Variants in WRAP73 observed in about 807,000 individuals in gnomAD.
WRAP73 encodes WD repeat containing, antisense to TP73, also known as WD repeat-containing protein WRAP73.
A neutral mutation model predicts 59.6 loss-of-function variants in WRAP73; 55 were observed. The ratio of observed to expected loss-of-function variants is 0.92; its 90% CI spans 0.74 to 1.15. WRAP73 has a LOEUF of 1.15. Ranked by LOEUF, WRAP73 falls within the 50% of genes most tolerant of loss-of-function variation. The pLI, the probability that WRAP73 is intolerant of heterozygous loss-of-function variation, is 0.00. For missense variants in WRAP73, 592 were observed against 608.1 expected, an observed-to-expected ratio of 0.97 and a Z score of 0.28; for synonymous variants, 265 against 258.2, an observed-to-expected ratio of 1.03 and a Z score of -0.25.
intron 3 of WRAP73, among the ~76,000 whole-genome samples, chr1:3,640,510 G>A (rs113943602): frequency 5.5e-3 from 129 of 23,410 alleles, no homozygotes; most frequent in African/African-American, 0.018. Flanking sequence ...CATCAGCAGG[G>A]CGGGGTGCAG....
At chr1:3,632,026 C>G in intron 10 of WRAP73, 187 bp downstream of exon 10, 1 of 1,477,270 alleles carries the variant, frequency 6.8e-7, no homozygotes, top group Non-Finnish European at 8.9e-7. Context: ...CGCGGACCTG[C>G]GGCTGCTGCA....
chr1:3,630,957 C>A lies in WRAP73; in HGVS notation c.*18G>T. On this transcript the variant is annotated 3_prime_UTR_variant, in exon 12 of 12. Coordinates refer to ENST00000270708, the MANE Select transcript of WRAP73 (RefSeq NM_017818.4). ...AACACAGAGTAGCCCTGTTTCTGCA[C>A]ACGTTAGTGCACCGCTGCTACGTGT... is the stretch of plus-strand genomic sequence containing the variant. 1 of 1,607,610 alleles carries A rather than the reference C, an allele frequency of 6.2e-7. No individual in the cohort carries two copies. The highest frequency in any genetic ancestry group is 1.1e-5 in the South Asian group (1 of 90,712).
intron 3 of WRAP73, among the ~76,000 whole-genome samples, chr1:3,642,716 G>A (rs1263912582): frequency 2.1e-5 from 3 of 145,226 alleles, no homozygotes; most frequent in Non-Finnish European, 4.5e-5. Flanking sequence ...CAGCCTGGGG[G>A]ACAAGAGCGA....
Position 3,647,430 on chromosome 1 carries a change from A to G in WRAP73, c.200T>C (p.Met67Thr), listed in dbSNP as rs781047312. The change falls in exon 2 of 12, where the codon ATG (methionine) becomes ACG (threonine). Residue 67 changes from methionine (M) to threonine (T), a missense_variant. Physicochemically the swap from Met to Thr is moderately conservative, Grantham distance 81. Coordinates refer to ENST00000270708, the MANE Select transcript of WRAP73 (RefSeq NM_017818.4). Reference sequence around the variant, plus strand: ...CACCTGCACCAGCCCTCGCTTGTACATGGCGCACAGGATGAAGAGCGAGTC... The same window carrying G: ...CACCTGCACCAGCCCTCGCTTGTACGTGGCGCACAGGATGAAGAGCGAGTC... ...SADSLFILCA[M>T]YKRGLVQVWS... 3 of 1,613,618 alleles carry G rather than the reference A, an allele frequency of 1.9e-6. No homozygotes were observed. The highest frequency in any genetic ancestry group is 2.2e-5 in the East Asian group (1 of 44,894).
chr1:3,631,344 C>T lies in WRAP73; in HGVS notation c.1240+122G>A. The T allele has an allele frequency of 2.2e-6, 3 of 1,381,492 alleles. No homozygotes were observed. The South Asian group carries it at 4.1e-5, about 19-fold the overall frequency. The allele number at this position is 1,381,492 out of a possible 1,614,324, so 85.6% of individuals were successfully genotyped here. The stretch of plus-strand genomic sequence containing the variant: ...CCGTCTTGAGGTTTACGCAAAGACT[C>T]TGAGGGCAGTTTCCCTGGAGTGCTG... On this transcript the variant is annotated intron_variant, in intron 11 of 11. Coordinates refer to ENST00000270708, the MANE Select transcript of WRAP73 (RefSeq NM_017818.4).
intron 6 of WRAP73, chr1:3,635,679 G>T: frequency 4.0e-6 from 2 of 497,332 alleles, no homozygotes; most frequent in South Asian, 2.3e-5. Flanking sequence ...AAATTAGCCG[G>T]GCGTGGTGGT....
In WRAP73 at chr1:3,646,221, G is replaced by A. The variant is rs921590217; in HGVS notation, c.339+445C>T. ...CTGACTCAGTAGCAGCCCAAAGCACGGGCGGTGGGGCTCGCAATCTGGATA... is the reference window on the plus strand; with the variant it reads ...CTGACTCAGTAGCAGCCCAAAGCACAGGCGGTGGGGCTCGCAATCTGGATA... On this transcript the variant is annotated intron_variant, in intron 3 of 11. Coordinates refer to ENST00000270708, the MANE Select transcript of WRAP73 (RefSeq NM_017818.4). This position sits in a 1 kb window ranked among gnomAD's most constrained non-coding sequence, Gnocchi z 5.1. Among the ~76,000 whole-genome samples the A allele has an allele frequency of 1.2e-4, 19 of 152,296 alleles. No homozygotes were observed. Among genetic ancestry groups the A allele is most frequent in the African/African-American group, 4.3e-4 (18 of 41,572 alleles).
At chr1:3,635,423 G>A in intron 6 of WRAP73, 129 bp from the exon 7 acceptor site, 1 of 1,261,858 alleles carries the variant, frequency 7.9e-7, no homozygotes, top group Non-Finnish European at 1.1e-6. Context: ...GCGTGGCCGT[G>A]GAAAAGCTGG....
At position 3,633,017 on chromosome 1, in the gene WRAP73, C is replaced by G. The variant is rs74048691; in HGVS notation, c.922+381G>C. 619 of 266,016 alleles carry G rather than the reference C, an allele frequency of 2.3e-3. 6 individuals carry two copies. Among genetic ancestry groups the G allele is most frequent in the African/African-American group, 0.014 (586 of 43,148 alleles). The allele number at this position is 266,016 out of a possible 1,614,324, so 16.5% of individuals were successfully genotyped here. ...AATGCCCAGAGTCAAGAGGCTGCAT[C>G]AGAACCGGGCCTCAAGCCGGAGACA... is the stretch of plus-strand genomic sequence containing the variant. On this transcript the variant is annotated intron_variant, in intron 9 of 11. Coordinates refer to ENST00000270708, the MANE Select transcript of WRAP73 (RefSeq NM_017818.4).
intron 4 of WRAP73, among the ~76,000 whole-genome samples, chr1:3,637,628 G>A (rs1009887279): frequency 6.6e-6 from 1 of 152,202 alleles, no homozygotes; most frequent in Non-Finnish European, 1.5e-5. Flanking sequence ...AATCGCTTGA[G>A]CCTAGGAATT....
In WRAP73 at chr1:3,650,095, C is replaced by A. The variant is rs1193901950; in HGVS notation, c.-96G>T. On this transcript the variant is annotated 5_prime_UTR_variant, in exon 1 of 12. Transcript: ENST00000270708. Reference sequence around the variant, plus strand: ...CAACAGCCGACGCCGGCCTCCGAGGCCGGAAGTCAGAAGGCGGAAGTGAAC... The same window carrying A: ...CAACAGCCGACGCCGGCCTCCGAGGACGGAAGTCAGAAGGCGGAAGTGAAC... The A allele has an allele frequency of 1.8e-5, 24 of 1,316,964 alleles. No homozygotes were observed. Among genetic ancestry groups the A allele is most frequent in the Non-Finnish European group, 2.0e-5 (20 of 977,704 alleles). 81.6% of individuals were successfully genotyped at this position (1,316,964 alleles called of 1,614,324 possible).
intron 10 of WRAP73, 185 bp downstream of exon 10, chr1:3,632,028 G>A: frequency 6.8e-7 from 1 of 1,481,454 alleles, no homozygotes; most frequent in Non-Finnish European, 8.9e-7. Context: ...CGGACCTGCG[G>A]CTGCTGCAGG....
intron 3 of WRAP73, among the ~76,000 whole-genome samples, chr1:3,645,029 T>C (rs1359710707): frequency 2.6e-5 from 4 of 152,214 alleles, no homozygotes; most frequent in Non-Finnish European, 5.9e-5. Flanking sequence ...TGTCAATACA[T>C]AGTGCGGAGA....
rs944722613 is a variant in WRAP73 at position 3,639,142 on chromosome 1, T to C, written c.340-320A>G. The C allele has an allele frequency of 3.5e-6, 1 of 289,650 alleles. No homozygotes were observed. The highest frequency in any genetic ancestry group is 2.2e-5 in the African/African-American group (1 of 44,478). 17.9% of individuals were successfully genotyped at this position (289,650 alleles called of 1,614,324 possible). A position where few individuals can be genotyped will look rare whatever the true frequency, so the allele number is the denominator to read the frequency against. ...GCATGTTATAATAACCCTGAGTTAC[T>C]CAGAGAAAAATCTTGATCTAGAAAC... On this transcript the variant is annotated intron_variant, in intron 3 of 11. Transcript: ENST00000270708. This position sits in a 1 kb window ranked among gnomAD's most constrained non-coding sequence, Gnocchi z 4.3.
At chr1:3,641,769 C>T (rs59201848) in intron 3 of WRAP73, among the ~76,000 whole-genome samples, 6,533 of 152,276 alleles carry the variant, frequency 0.043, 457 homozygotes, top group African/African-American at 0.15. Flanking sequence ...AAGAAAAAGT[C>T]TGCAGTCTGG....
At position 3,632,525 on chromosome 1, in the gene WRAP73, A is replaced by G. The variant is rs1570291612; in HGVS notation, c.923-187T>C. 3 of 870,668 alleles carry G rather than the reference A, an allele frequency of 3.4e-6. No individual in the cohort carries two copies. In the East Asian group the frequency reaches 8.4e-5, roughly 24 times the overall value. 53.9% of individuals were successfully genotyped at this position (870,668 alleles called of 1,614,324 possible). A position where few individuals can be genotyped will look rare whatever the true frequency, so the allele number is the denominator to read the frequency against. Reference sequence around the variant, plus strand: ...CAGCCGCAGCGAGGGGCCTGCCCGCAAGTGCCCCGGATGAGAGTGGCACCA... The same window carrying G: ...CAGCCGCAGCGAGGGGCCTGCCCGCGAGTGCCCCGGATGAGAGTGGCACCA... On this transcript the variant is annotated intron_variant, in intron 9 of 11. Coordinates refer to ENST00000270708, the MANE Select transcript of WRAP73 (RefSeq NM_017818.4).
At chr1:3,641,954 C>T (rs778166487) in intron 3 of WRAP73, among the ~76,000 whole-genome samples, 1 of 152,182 alleles carries the variant, frequency 6.6e-6, no homozygotes, top group Non-Finnish European at 1.5e-5. Flanking sequence ...CAAAAAGAAC[C>T]GTGAGACATA....
chr1:3,635,098 G>A (rs942012194), intron 7 of WRAP73, 24 bp from the exon 8 acceptor site: 1 of 1,614,202 alleles, frequency 6.2e-7, no homozygotes, highest in Admixed American at 1.7e-5. Flanking sequence ...CCATGCACAG[G>A]TGAGGCAGGG....
chr1:3,634,843 G>A, intron 8 of WRAP73, 154 bp downstream of exon 8: 2 of 925,970 alleles, frequency 2.2e-6, no homozygotes, highest in East Asian at 2.4e-5. Context: ...GCCAGGGCAG[G>A]GCCAGACGCG....
Sources: gnomAD v4.1 joint callset for allele counts (sites outside exome capture counted in the v4.1 genomes callset) on GRCh38, gnomAD v4.1.1 for gene constraint, Gnocchi (gnomAD v3.1) non-coding constraint, MANE v1.5 for transcripts, NCBI Gene and HGNC (gene_info 2026-07-23, HGNC 2026-07-21) for gene names.